Variants in JAKMIP1 observed in about 807,000 individuals in gnomAD.
JAKMIP1 encodes janus kinase and microtubule interacting protein 1.
Under a neutral mutation model 113.0 loss-of-function variants are expected in JAKMIP1, and 33 were observed. That is an observed-to-expected ratio of 0.29 (90% CI 0.22 to 0.39). JAKMIP1 has a LOEUF of 0.39. Among genes scored for constraint, JAKMIP1 ranks in the 10% least tolerant of loss-of-function variants. The probability of loss-of-function intolerance (pLI) is 1.00; values close to 1 mark genes in which losing one functional copy is unlikely to be tolerated. For missense variants in JAKMIP1, 813 were observed against 1,080.5 expected (o/e 0.75, Z 3.47); for synonymous variants, 480 against 459.9 (o/e 1.04, Z -0.56).
At position 6,074,165 on chromosome 4, in the gene JAKMIP1, G is replaced by C. The variant is rs148938596; in HGVS notation, c.1302+4774C>G. On this transcript the variant is annotated intron_variant, in intron 8 of 20. Transcript: ENST00000409021. ...GGGGACTGTTGGATAGGCCCAGTAA[G>C]GCAGAGTCATGGCCCTCAGGGACAC... Among the ~76,000 whole-genome samples the C allele has an allele frequency of 3.6e-3, 552 of 152,364 alleles. 7 individuals carry two copies. Among genetic ancestry groups the C allele is most frequent in the African/African-American group, 0.013 (533 of 41,586 alleles).
intron 1 of JAKMIP1, among the ~76,000 whole-genome samples, chr4:6,163,229 T>C (rs537601203): frequency 9.2e-5 from 14 of 152,354 alleles, no homozygotes; most frequent in African/African-American, 3.4e-4. Flanking sequence ...AATTGAAGGG[T>C]TGTGGCAACC....
intron 18 of JAKMIP1, among the ~76,000 whole-genome samples, chr4:6,038,090 G>T (rs1290650011): frequency 3.0e-5 from 4 of 135,358 alleles, no homozygotes; most frequent in East Asian, 2.1e-4. Context: ...TAACCCAGTA[G>T]CCCTCCATCA....
At chr4:6,068,236 A>G (rs1718450213) in intron 8 of JAKMIP1, among the ~76,000 whole-genome samples, 1 of 152,240 alleles carries the variant, frequency 6.6e-6, no homozygotes, top group Non-Finnish European at 1.5e-5. Context: ...ACAGGGCATT[A>G]ACTACCGATG....
Position 6,157,595 on chromosome 4 carries a change from C to T in JAKMIP1, c.-148+42658G>A, listed in dbSNP as rs567817238. Among the ~76,000 whole-genome samples the T allele has an allele frequency of 3.3e-5, 5 of 152,164 alleles. No individual in the cohort carries two copies. Among genetic ancestry groups the T allele is most frequent in the Non-Finnish European group, 7.3e-5 (5 of 68,030 alleles). On this transcript the variant is annotated intron_variant, in intron 1 of 20. Transcript: ENST00000409021. The surrounding 1 kb of genome is among the most constrained non-coding windows in gnomAD (Gnocchi z 4.7). ...GGCACAGACCATCACAACTCAGAAC[C>T]GGGATCTCCGAGCTACAATCCCACC...
rs541108466 is a variant in JAKMIP1, at chr4:6,059,955, G to C, written c.1644+469C>G. Among the ~76,000 whole-genome samples the C allele has an allele frequency of 6.6e-6, 1 of 152,274 alleles. No homozygotes were observed. Among genetic ancestry groups the C allele is most frequent in the East Asian group, 1.9e-4 (1 of 5,166 alleles). ...CCTTGCCTAATCAAATGCAGTGGAT[G>C]GGTAGGTGCAGTTGACTCTAACCTG... On this transcript the variant is annotated intron_variant, in intron 11 of 20. Transcript: ENST00000409021. This position sits in a 1 kb window ranked among gnomAD's most constrained non-coding sequence, Gnocchi z 4.8.
At chr4:6,196,234 T>C (rs868662737) in intron 1 of JAKMIP1, among the ~76,000 whole-genome samples, 6 of 152,182 alleles carry the variant, frequency 3.9e-5, no homozygotes, top group Admixed American at 6.5e-5. Flanking sequence ...TGATTATTTT[T>C]GCATCTAATA....
At chr4:6,149,529 C>A (rs1721302449) in intron 1 of JAKMIP1, among the ~76,000 whole-genome samples, 1 of 152,210 alleles carries the variant, frequency 6.6e-6, no homozygotes, top group Non-Finnish European at 1.5e-5. Flanking sequence ...AACCAACTCG[C>A]ACTCGAAATC....
At chr4:6,090,231 A>G (rs927450761) in intron 3 of JAKMIP1, among the ~76,000 whole-genome samples, 1 of 151,856 alleles carries the variant, frequency 6.6e-6, no homozygotes, top group Non-Finnish European at 1.5e-5. Flanking sequence ...CAAAAAAAAA[A>G]AGAAGAAAAA....
rs1332085015 is a variant in JAKMIP1, at chr4:6,084,837, G to A, written c.954+9C>T. On this transcript the variant is annotated intron_variant, in intron 5 of 20. Coordinates refer to ENST00000409021, the MANE Select transcript of JAKMIP1 (RefSeq NM_001099433.2). ...TATGAGGCACCGCCTGTCTCTTGGG[G>A]CTACTTACCAGTTCATTCCTCTCAT... The A allele has an allele frequency of 1.2e-6, 2 of 1,608,532 alleles. No homozygotes were observed. The highest frequency in any genetic ancestry group is 1.7e-6 in the Non-Finnish European group (2 of 1,178,300).
chr4:6,055,855 T>C (rs1365051205), intron 12 of JAKMIP1, among the ~76,000 whole-genome samples: 1 of 138,952 alleles, frequency 7.2e-6, no homozygotes, highest in Non-Finnish European at 1.5e-5. Flanking sequence ...TCCCCAGAGG[T>C]CGGGGCAGCC....
At chr4:6,102,649 G>C (rs1197909219) in intron 3 of JAKMIP1, among the ~76,000 whole-genome samples, 2 of 147,550 alleles carry the variant, frequency 1.4e-5, no homozygotes, top group African/African-American at 5.0e-5. Flanking sequence ...TAAAACAGGT[G>C]TCTTGGGTTT....
In JAKMIP1 at chr4:6,143,550, A is replaced by C. The variant is rs1720447232; in HGVS notation, c.-147-30553T>G. 6.6e-6 allele frequency among the ~76,000 whole-genome samples: 1 copy of C among 152,222 alleles called. No homozygotes were observed. Among genetic ancestry groups the C allele is most frequent in the Admixed American group, 6.5e-5 (1 of 15,286 alleles). ...CCTGGCCTCTTTCAGTTATGCCTCC[A>C]GCCCCTGGATAATATTTTTAAACTT... On this transcript the variant is annotated intron_variant, in intron 1 of 20. Transcript: ENST00000409021. This position sits in a 1 kb window ranked among gnomAD's most constrained non-coding sequence, Gnocchi z 4.9.
At chr4:6,128,837 TAGCA>T (rs2108930770) in intron 1 of JAKMIP1, among the ~76,000 whole-genome samples, 1 of 152,156 alleles carries the variant, frequency 6.6e-6, no homozygotes, top group African/African-American at 2.4e-5. Context: ...GCACCACCTA[TAGCA>T]AGCATCAGCC....
intron 19 of JAKMIP1, among the ~76,000 whole-genome samples, chr4:6,035,638 G>A (rs1578044707): frequency 6.6e-6 from 1 of 152,230 alleles, no homozygotes; most frequent in East Asian, 1.9e-4. Flanking sequence ...GCAGATGCTG[G>A]AGAAGGAGGG....
In JAKMIP1 at chr4:6,094,225, G is replaced by A. The variant is rs1722495887; in HGVS notation, c.625-8596C>T. ...ATAAAATCTCAAACAATCTGTGCTA[G>A]CCCTGGGTCTAGCTCACAGCAGGTG... On this transcript the variant is annotated intron_variant, in intron 3 of 20. Coordinates refer to ENST00000409021, the MANE Select transcript of JAKMIP1 (RefSeq NM_001099433.2). The surrounding 1 kb of genome is among the most constrained non-coding windows in gnomAD (Gnocchi z 4.2). 6.6e-6 allele frequency among the ~76,000 whole-genome samples: 1 copy of A among 152,212 alleles called. No homozygotes were observed. The highest frequency in any genetic ancestry group is 2.4e-5 in the African/African-American group (1 of 41,458).
intron 1 of JAKMIP1, among the ~76,000 whole-genome samples, chr4:6,198,401 AT>A (rs1003528893): frequency 2.6e-5 from 4 of 152,084 alleles, no homozygotes; most frequent in African/African-American, 9.7e-5. Flanking sequence ...TGGCTGAGAC[AT>A]TGTGGCAGGG....
At chr4:6,111,271 C>T (rs559841073) in intron 2 of JAKMIP1, among the ~76,000 whole-genome samples, 1 of 152,358 alleles carries the variant, frequency 6.6e-6, no homozygotes, top group East Asian at 1.9e-4. Context: ...CCAGGTACTA[C>T]AGCAGGAGCC....
chr4:6,029,935 ACCACCG>A (rs1179457893), intron 19 of JAKMIP1, among the ~76,000 whole-genome samples, 154 bp from the exon 20 acceptor site: 2 of 152,136 alleles, frequency 1.3e-5, no homozygotes, highest in Admixed American at 6.5e-5. Flanking sequence ...AGCCCATGTC[ACCACCG>A]CCCAAAGCAA....
At chr4:6,092,800 C>T (rs1417044104) in intron 3 of JAKMIP1, among the ~76,000 whole-genome samples, 3 of 152,144 alleles carry the variant, frequency 2.0e-5, no homozygotes, top group African/African-American at 7.2e-5. Context: ...ATCATTCCCC[C>T]AGATTCAGGT....
Sources: allele counts gnomAD v4.1 joint callset (sites outside exome capture counted in the v4.1 genomes callset), GRCh38; gene constraint gnomAD v4.1.1; non-coding constraint Gnocchi (gnomAD v3.1); transcripts MANE v1.5; gene names NCBI Gene and HGNC (gene_info 2026-07-23, HGNC 2026-07-21).